UPRT: variants seen among roughly 807,000 people sequenced by gnomAD.
The protein encoded by UPRT is uracil phosphoribosyltransferase homolog.
In UPRT, 5 loss-of-function variants were observed where a neutral mutation model predicts 22.6. The observed-to-expected ratio is 0.22, with a 90% confidence interval of 0.12 to 0.47. The LOEUF (loss-of-function observed/expected upper bound fraction) is 0.47. Ranked by LOEUF, UPRT falls within the 20% of genes least tolerant of loss-of-function variation. UPRT has a pLI of 0.99. For missense variants in UPRT, 181 were observed against 239.9 expected (o/e 0.75, Z 1.62); for synonymous variants, 77 against 87.7 (o/e 0.88, Z 0.68).
intron 4 of UPRT, among the ~76,000 whole-genome samples, chrX:75,238,824 A>T (rs1013674685): frequency 1.4e-4 from 16 of 112,068 alleles, no homozygotes; most frequent in Non-Finnish European, 2.6e-4. Flanking sequence ...CCTTAAAAGT[A>T]TACAAATACA....
At chrX:75,186,202 A>T in intron 4 of UPRT, among the ~76,000 whole-genome samples, 1 of 110,676 alleles carries the variant, frequency 9.0e-6, no homozygotes, top group Non-Finnish European at 1.9e-5. Context: ...AATGCGTCCC[A>T]GAGATTCTGG....
intron 4 of UPRT, among the ~76,000 whole-genome samples, chrX:75,186,404 T>C (rs2082291692): frequency 9.0e-6 from 1 of 111,693 alleles, no homozygotes; most frequent in Non-Finnish European, 1.9e-5. Context: ...TTATAATTTC[T>C]GTTCTTTTAC....
At position 75,205,208 on chromosome X, in the gene UPRT, A is replaced by C. The variant is rs773077110; in HGVS notation, c.-447+37329A>C. 3.3e-4 allele frequency among the ~76,000 whole-genome samples: 36 copies of C among 107,623 alleles called. 1 individual carries two copies. Among genetic ancestry groups the C allele is most frequent in the Admixed American group, 3.0e-3 (30 of 10,142 alleles). 93.5% of individuals were successfully genotyped at this position (107,623 alleles called of 115,157 possible). A position where few individuals can be genotyped will look rare whatever the true frequency, so the allele number is the denominator to read the frequency against. The stretch of plus-strand genomic sequence containing the variant: ...ACAAGGTGAAACCCCGTCTCTACTA[A>C]AAATACAAAAAATTAGCCGGGCGCG... On this transcript the variant is annotated intron_variant, in intron 4 of 13. Transcript: ENST00000652605.
intron 4 of UPRT, among the ~76,000 whole-genome samples, chrX:75,208,260 G>A (rs28898270): frequency 0.032 from 3,557 of 111,452 alleles, 148 homozygotes; most frequent in African/African-American, 0.11. Flanking sequence ...TAAAAGCTAA[G>A]TGGTGTGTTG....
chrX:75,249,891 T>A (rs1270280590), intron 4 of UPRT, among the ~76,000 whole-genome samples: 4 of 111,465 alleles, frequency 3.6e-5, no homozygotes, highest in Non-Finnish European at 7.5e-5. Context: ...AAACTGGAAC[T>A]CAGGATTAAC....
At chrX:75,199,906 G>C (rs930848347) in intron 4 of UPRT, among the ~76,000 whole-genome samples, 1 of 111,638 alleles carries the variant, frequency 9.0e-6, no homozygotes, top group Non-Finnish European at 1.9e-5. Flanking sequence ...AGCATCTGTT[G>C]TTTTCATCTG....
chrX:75,215,000 AAT>A (rs2082388967), intron 4 of UPRT, among the ~76,000 whole-genome samples: 1 of 109,040 alleles, frequency 9.2e-6, no homozygotes, highest in African/African-American at 3.4e-5. Flanking sequence ...CACACACACA[AAT>A]AAGGCAGGAG....
Position 75,274,712 on chromosome X carries a change from G to A in UPRT, c.386+72G>A. On this transcript the variant is annotated intron_variant, in intron 1 of 6. Transcript: ENST00000373383. ...CTGTGGGCGGGGATTGGAAGTAAAA[G>A]GGCTAAGAGACAGTGTTCTTGGCCT... The A allele has an allele frequency of 4.6e-6, 5 of 1,095,371 alleles. No individual in the cohort carries two copies. The South Asian group carries it at 9.2e-5, about 20-fold the overall frequency. 90.3% of individuals were successfully genotyped at this position (1,095,371 alleles called of 1,213,427 possible).
intron 4 of UPRT, among the ~76,000 whole-genome samples, chrX:75,298,872 A>ATTTGTG (rs2082735070): frequency 8.9e-6 from 1 of 112,203 alleles, no homozygotes; most frequent in East Asian, 2.8e-4. Flanking sequence ...GTACTAGATG[A>ATTTGTG]CTTGTGGTGA....
intron 2 of UPRT, chrX:75,294,482 T>C: frequency 1.3e-6 from 1 of 768,426 alleles, no homozygotes; most frequent in African/African-American, 2.2e-5. Flanking sequence ...TGAACAGGGC[T>C]TCTTAGCCCC....
chrX:75,290,182 G>A (rs1377667588), intron 1 of UPRT, among the ~76,000 whole-genome samples: 16 of 111,795 alleles, frequency 1.4e-4, no homozygotes, highest in Non-Finnish European at 1.9e-5. Context: ...CATACAAACA[G>A]CCAACAAACA....
At chrX:75,294,408 G>A (rs2082718657) in intron 2 of UPRT, among the ~76,000 whole-genome samples, 2 of 110,552 alleles carry the variant, frequency 1.8e-5, no homozygotes, top group Admixed American at 1.9e-4. Context: ...TAATCTCTTG[G>A]TGTTTATGAT....
At chrX:75,175,875 C>A (rs1267579428) in intron 4 of UPRT, among the ~76,000 whole-genome samples, 8 of 111,312 alleles carry the variant, frequency 7.2e-5, no homozygotes, top group Non-Finnish European at 1.3e-4. Context: ...TCCTTTTGGG[C>A]CTGTTCTTCT....
intron 4 of UPRT, among the ~76,000 whole-genome samples, chrX:75,240,762 C>G (rs897255488): frequency 9.0e-6 from 1 of 111,406 alleles, no homozygotes; most frequent in East Asian, 2.8e-4. Flanking sequence ...ATAGGGAACC[C>G]AGAAATAAAG....
intron 4 of UPRT, among the ~76,000 whole-genome samples, chrX:75,241,522 C>G (rs939371514): frequency 4.5e-5 from 5 of 111,281 alleles, no homozygotes; most frequent in Non-Finnish European, 9.4e-5. Context: ...TGGAGATTCC[C>G]TAAAGAACTA....
At chrX:75,269,856 A>G (rs2082602592), upstream of UPRT, among the ~76,000 whole-genome samples, 1 of 111,759 alleles carries the variant, frequency 8.9e-6, no homozygotes, top group Non-Finnish European at 1.9e-5. Flanking sequence ...CAAAGACTTC[A>G]TGACTAAAAC....
chrX:75,192,604 T>C (rs2082319401), intron 4 of UPRT, among the ~76,000 whole-genome samples: 1 of 111,858 alleles, frequency 8.9e-6, no homozygotes, highest in Non-Finnish European at 1.9e-5. Context: ...TAAATCTCTT[T>C]GTAGGTCTCT....
chrX:75,163,166 T>C (rs1373456993), exon 3 of UPRT, among the ~76,000 whole-genome samples: 1 of 111,785 alleles, frequency 8.9e-6, no homozygotes, highest in Non-Finnish European at 1.9e-5. Context: ...GGCTGTTGGC[T>C]GAGGACTACT....
chrX:75,207,515 G>C (rs1253765288), intron 4 of UPRT, among the ~76,000 whole-genome samples: 1 of 111,818 alleles, frequency 8.9e-6, no homozygotes, highest in Non-Finnish European at 1.9e-5. Flanking sequence ...ATAGAGCTCA[G>C]AGCTGGAAGT....
Sources: gnomAD v4.1 joint callset for allele counts (sites outside exome capture counted in the v4.1 genomes callset) on GRCh38, gnomAD v4.1.1 for gene constraint, MANE v1.5 for transcripts, NCBI Gene and HGNC (gene_info 2026-07-23, HGNC 2026-07-21) for gene names.